CMYA5: variants seen among roughly 807,000 people sequenced by gnomAD.
The protein encoded by CMYA5 is cardiomyopathy-associated protein 5.
Under a neutral mutation model 318.9 loss-of-function variants are expected in CMYA5, and 246 were observed. That is an observed-to-expected ratio of 0.77 (90% CI 0.70 to 0.86). The LOEUF (loss-of-function observed/expected upper bound fraction) is 0.86. CMYA5 is among the 40% of genes least tolerant of loss of function. The pLI is 0.00. For missense variants in CMYA5, 4,589 were observed against 4,678.2 expected, an observed-to-expected ratio of 0.98 and a Z score of 0.56; for synonymous variants, 1,641 against 1,729.5, an observed-to-expected ratio of 0.95 and a Z score of 1.27.
intron 1 of CMYA5, among the ~76,000 whole-genome samples, chr5:79,704,088 T>TAA (rs113958705): frequency 8.7e-5 from 13 of 149,648 alleles, no homozygotes; most frequent in African/African-American, 3.2e-4. Flanking sequence ...GAGACTGTGT[T>TAA]AAAAAAAAAA....
At chr5:79,692,359 G>A (rs905807907) in intron 1 of CMYA5, among the ~76,000 whole-genome samples, 13 of 152,090 alleles carry the variant, frequency 8.5e-5, no homozygotes, top group African/African-American at 2.7e-4. Context: ...ATCTGTAAAC[G>A]TTCCTTTACC....
chr5:79,732,399 G>C lies in CMYA5; in HGVS notation c.3634G>C (p.Asp1212His), dbSNP rs745393701. Residue 1212 changes from aspartate to histidine, a missense_variant, in exon 2 of 13, where the codon GAT becomes CAT. Physicochemically the swap from Asp to His is moderately conservative, Grantham distance 81 (BLOSUM62 -1). Around this residue, in one of 3 missense-constraint regions of CMYA5, gnomAD observed 2,132 missense variants for 2,131.3 expected, o/e 1.00. Coordinates refer to ENST00000446378, the MANE Select transcript of CMYA5 (RefSeq NM_153610.5). Reference sequence around the variant, plus strand: ...AGTCAGAAAGGAAGAAATTGTGCCTGATTCTCAAGAAGCTACAGCACATGT... The same window carrying C: ...AGTCAGAAAGGAAGAAATTGTGCCTCATTCTCAAGAAGCTACAGCACATGT... ...SKVRKEEIVP[D>H]SQEATAHVSQ... is the part of the protein sequence containing the mutation. 10 of 1,613,602 alleles carry C rather than the reference G, an allele frequency of 6.2e-6. No individual in the cohort carries two copies. In the East Asian group the frequency reaches 1.8e-4, roughly 29 times the overall value.
chr5:79,795,910 G>A (rs939999244), intron 12 of CMYA5, among the ~76,000 whole-genome samples: 1 of 152,224 alleles, frequency 6.6e-6, no homozygotes, highest in African/African-American at 2.4e-5. Context: ...CCAGGTCTCT[G>A]TTCAAAGCCA....
rs1409600341 is a variant in CMYA5, at chr5:79,738,884, C to T, written c.10119C>T (p.Val3373=). The change falls in exon 2 of 13, where the codon GTC becomes GTT. Residue 3373 remains valine (V), a synonymous_variant. Coordinates refer to ENST00000446378, the MANE Select transcript of CMYA5 (RefSeq NM_153610.5). ...CAAGTCCAGAGGTCAATCTGAATGT[C>T]CCAGTACAAGTGTCCTTCCCGGAGG... is the stretch of plus-strand genomic sequence containing the variant. ...GNASPEVNLN[V]PVQVSFPEEE... is the part of the protein sequence containing the mutation. 1.2e-6 allele frequency: 2 copies of T among 1,613,848 alleles called. No individual in the cohort carries two copies. Among genetic ancestry groups the T allele is most frequent in the Non-Finnish European group, 1.7e-6 (2 of 1,179,848 alleles).
At chr5:79,753,843 A>G (rs72768886) in intron 6 of CMYA5, among the ~76,000 whole-genome samples, 1 of 152,288 alleles carries the variant, frequency 6.6e-6, no homozygotes, top group Non-Finnish European at 1.5e-5. Context: ...AAATGTCTCA[A>G]AGTGTTTTCT....
Position 79,731,701 on chromosome 5 carries a change from C to T in CMYA5, c.2936C>T (p.Thr979Ile). 6.2e-7 allele frequency: 1 copy of T among 1,613,920 alleles called. No individual in the cohort carries two copies. Among genetic ancestry groups the T allele is most frequent in the Non-Finnish European group, 8.5e-7 (1 of 1,179,858 alleles). ...EFECDSPICLTSPSEHTILSD... is the reference protein window; with the variant it reads ...EFECDSPICLISPSEHTILSD... ...GAGTGCGATTCTCCAATATGTTTAA[C>T]ATCACCATCTGAGCACACTATTTTG... The change falls in exon 2 of 13, where the codon ACA becomes ATA. Residue 979 changes from threonine to isoleucine, a missense_variant. Around this residue, in one of 3 missense-constraint regions of CMYA5, gnomAD observed 2,132 missense variants for 2,131.3 expected, o/e 1.00. Transcript: ENST00000446378.
At chr5:79,708,701 C>T (rs1217926109) in intron 1 of CMYA5, among the ~76,000 whole-genome samples, 2 of 151,432 alleles carry the variant, frequency 1.3e-5, no homozygotes, top group Admixed American at 6.6e-5. Flanking sequence ...GCCCTTTGGG[C>T]GGTTGAGGTG....
chr5:79,744,579 T>C (rs1828281291), intron 3 of CMYA5, among the ~76,000 whole-genome samples: 1 of 152,226 alleles, frequency 6.6e-6, no homozygotes, highest in Non-Finnish European at 1.5e-5. Context: ...CTCCACATGC[T>C]GGTTTGCTTG....
chr5:79,747,021 A>G, intron 4 of CMYA5, 70 bp from the exon 5 acceptor site: 1 of 916,060 alleles, frequency 1.1e-6, no homozygotes, highest in Non-Finnish European at 1.7e-6. Context: ...GTTGTTAATT[A>G]GCTTCTCTCT....
At chr5:79,713,280 C>T (rs932826681) in intron 1 of CMYA5, among the ~76,000 whole-genome samples, 18 of 121,928 alleles carry the variant, frequency 1.5e-4, no homozygotes, top group Non-Finnish European at 1.9e-4. Flanking sequence ...AGGACAGTCC[C>T]CACCCCGCTG....
intron 1 of CMYA5, among the ~76,000 whole-genome samples, chr5:79,713,116 T>C (rs1163800033): frequency 6.6e-6 from 1 of 152,240 alleles, no homozygotes; most frequent in Non-Finnish European, 1.5e-5. Context: ...TTGCCTATGG[T>C]TGAGTGTCTT....
At chr5:79,748,036 AC>A (rs1828360419) in intron 5 of CMYA5, among the ~76,000 whole-genome samples, 1 of 152,244 alleles carries the variant, frequency 6.6e-6, no homozygotes, top group Non-Finnish European at 1.5e-5. Context: ...TTTACCTAAA[AC>A]AAATTCTATT....
chr5:79,763,628 G>A (rs1051877193), intron 9 of CMYA5, among the ~76,000 whole-genome samples: 4 of 152,094 alleles, frequency 2.6e-5, no homozygotes, highest in African/African-American at 9.7e-5. Context: ...TAACATTAAG[G>A]AGCTAATTAC....
intron 1 of CMYA5, among the ~76,000 whole-genome samples, chr5:79,690,305 C>T (rs1160266649): frequency 6.6e-6 from 1 of 152,120 alleles, no homozygotes; most frequent in Non-Finnish European, 1.5e-5. Flanking sequence ...CTTGTTTATT[C>T]CTGAGGATTT....
rs757070351 is a variant in CMYA5, at chr5:79,735,304, C to T, written c.6539C>T (p.Ser2180Leu). 3.1e-6 allele frequency: 5 copies of T among 1,613,686 alleles called. No homozygotes were observed. Among genetic ancestry groups the T allele is most frequent in the African/African-American group, 2.7e-5 (2 of 74,908 alleles). ...AAGAAAGGAATTTCATCTTTCAAATCGTGGATGTCCAGCTTGTTTTTTGGA... is the reference window on the plus strand; with the variant it reads ...AAGAAAGGAATTTCATCTTTCAAATTGTGGATGTCCAGCTTGTTTTTTGGA... ...KGKKGISSFK[S>L]WMSSLFFGSS... The change falls in exon 2 of 13, where the codon TCG becomes TTG. Residue 2180 changes from serine (S) to leucine (L), a missense_variant. By Grantham distance (145) the Ser-to-Leu change is moderately radical. Around this residue, in one of 3 missense-constraint regions of CMYA5, gnomAD observed 2,431 missense variants for 2,495.1 expected, o/e 0.97. Transcript: ENST00000446378.
chr5:79,789,330 T>TA (rs929787680), intron 10 of CMYA5, among the ~76,000 whole-genome samples: 2 of 152,228 alleles, frequency 1.3e-5, no homozygotes, highest in East Asian at 1.9e-4. Context: ...CCAGGGTGCT[T>TA]AAAAAATACT....
intron 1 of CMYA5, among the ~76,000 whole-genome samples, chr5:79,701,235 C>CAAAT (rs57167958): frequency 0.097 from 14,802 of 151,990 alleles, 745 homozygotes; most frequent in East Asian, 0.16. Flanking sequence ...GACTCTGTCT[C>CAAAT]AAATAAACAA....
At chr5:79,724,255 C>T (rs564076885) in intron 1 of CMYA5, among the ~76,000 whole-genome samples, 4 of 151,922 alleles carry the variant, frequency 2.6e-5, no homozygotes, top group South Asian at 4.2e-4. Context: ...ACCCGGGAGG[C>T]GGAGGTTGCA....
At position 79,731,725 on chromosome 5, in the gene CMYA5, T is replaced by A; in HGVS notation, c.2960T>A (p.Leu987Ter). The change falls in exon 2 of 13, where the codon TTG (leucine) becomes TAG (stop). Residue 987 changes from leucine to a stop codon, truncating the protein, a stop_gained. Transcript: ENST00000446378. LOFTEE classifies it high-confidence loss of function. ...ACATCACCATCTGAGCACACTATTTTGTCAGATGAAGACACTGAAGAAGCG... is the reference window on the plus strand; with the variant it reads ...ACATCACCATCTGAGCACACTATTTAGTCAGATGAAGACACTGAAGAAGCG... ...CLTSPSEHTILSDEDTEEAEL... is the reference protein window; with the variant it reads ...CLTSPSEHTI 6.2e-7 allele frequency: 1 copy of A among 1,613,968 alleles called. No homozygotes were observed. Among genetic ancestry groups the A allele is most frequent in the Non-Finnish European group, 8.5e-7 (1 of 1,179,890 alleles).
Sources: allele counts gnomAD v4.1 joint callset (sites outside exome capture counted in the v4.1 genomes callset), GRCh38; gene constraint gnomAD v4.1.1; regional missense constraint gnomAD v4.1.1; transcripts MANE v1.5; gene names NCBI Gene and HGNC (gene_info 2026-07-23, HGNC 2026-07-21).